The following CDH20 variants were observed in gnomAD, a reference collection of about 807,000 sequenced individuals.
The protein encoded by CDH20 is cadherin 20, also known as cadherin-20.
Under a neutral mutation model 74.2 loss-of-function variants are expected in CDH20, and 29 were observed. The ratio of observed to expected loss-of-function variants is 0.39; its 90% CI spans 0.29 to 0.53. The LOEUF is 0.53. CDH20 is among the 20% of genes least tolerant of loss of function. The pLI is 0.69. For synonymous variants in CDH20, 469 were observed against 405.4 expected (o/e 1.16, Z -1.88); for missense variants, 988 against 1,048.3 (o/e 0.94, Z 0.79).
At chr18:61,402,459 G>A (rs1912186371) in intron 1 of CDH20, among the ~76,000 whole-genome samples, 1 of 152,102 alleles carries the variant, frequency 6.6e-6, no homozygotes, top group East Asian at 1.9e-4. Context: ...AAATTGACTA[G>A]CAAAACTACT....
At chr18:61,388,949 A>C (rs1325351469) in intron 1 of CDH20, among the ~76,000 whole-genome samples, 1 of 152,188 alleles carries the variant, frequency 6.6e-6, no homozygotes. Context: ...GATTAAAATC[A>C]CATCAGGTAG....
chr18:61,555,748 C>T lies in CDH20; in HGVS notation c.*1053C>T. ...TGTACTGCATCTCAGTACCTTAGCACTTCTTTTAATAAAAGTTAAATAGAA... is the reference window on the plus strand; with the variant it reads ...TGTACTGCATCTCAGTACCTTAGCATTTCTTTTAATAAAAGTTAAATAGAA... On this transcript the variant is annotated 3_prime_UTR_variant, in exon 12 of 12. Transcript: ENST00000262717. 5.2e-6 allele frequency: 5 copies of T among 957,424 alleles called. No homozygotes were observed. The highest frequency in any genetic ancestry group is 6.2e-6 in the Non-Finnish European group (5 of 804,504). 59.3% of individuals were successfully genotyped at this position (957,424 alleles called of 1,614,324 possible). A position where few individuals can be genotyped will look rare whatever the true frequency, so the allele number is the denominator to read the frequency against.
At chr18:61,425,523 A>G (rs1272352753) in intron 1 of CDH20, among the ~76,000 whole-genome samples, 1 of 152,194 alleles carries the variant, frequency 6.6e-6, no homozygotes, top group African/African-American at 2.4e-5. Flanking sequence ...GTCCCAACTC[A>G]CTGCAGCATT....
In CDH20 at chr18:61,554,451, C is replaced by A. The variant is rs757927060; in HGVS notation, c.2162C>A (p.Thr721Asn). 6.2e-7 allele frequency: 1 copy of A among 1,613,358 alleles called. No homozygotes were observed. The change falls in exon 12 of 12, where the codon ACT becomes AAT. Residue 721 changes from threonine to asparagine, a missense_variant. Thr to Asn is a moderately conservative substitution (Grantham distance 65). Transcript: ENST00000262717. ...CCTCAGACGTGCGCAGTGAACAGCA[C>A]TGTCCACAGCTACGTGCTGGCCAAG... ...YVPQTCAVNS[T>N]VHSYVLAKLY... is the part of the protein sequence containing the mutation.
chr18:61,471,900 A>G (rs897901440), intron 1 of CDH20, among the ~76,000 whole-genome samples: 4 of 152,180 alleles, frequency 2.6e-5, no homozygotes, highest in Non-Finnish European at 5.9e-5. Context: ...TGAAAAAGAC[A>G]TGTGATTTGT....
At position 61,353,584 on chromosome 18, in the gene CDH20, A is replaced by G. The variant is rs74481452; in HGVS notation, c.-153+19757A>G. Among the ~76,000 whole-genome samples, 6,557 of 152,284 alleles carry G rather than the reference A, an allele frequency of 0.043. 461 individuals are homozygous for G. The highest frequency in any genetic ancestry group is 0.15 in the African/African-American group (6,170 of 41,530). On this transcript the variant is annotated intron_variant, in intron 1 of 11. Coordinates refer to ENST00000262717, the MANE Select transcript of CDH20 (RefSeq NM_031891.4). The surrounding 1 kb of genome is among the most constrained non-coding windows in gnomAD (Gnocchi z 4.6). ...CAGTGTGTATCACAGTGCTTTGCAC[A>G]TATTTTAGTGTTTGTTAAGATTTTG...
chr18:61,469,131 A>C (rs1480575603), intron 1 of CDH20, among the ~76,000 whole-genome samples: 1 of 152,228 alleles, frequency 6.6e-6, no homozygotes, highest in African/African-American at 2.4e-5. Flanking sequence ...AGCCAACTTC[A>C]GAATTCAATT....
At chr18:61,458,767 T>C (rs1346535028) in intron 1 of CDH20, among the ~76,000 whole-genome samples, 1 of 152,206 alleles carries the variant, frequency 6.6e-6, no homozygotes, top group Non-Finnish European at 1.5e-5. Context: ...AGCCCAGGAT[T>C]TGTGTTTGTT....
At chr18:61,491,158 T>C (rs1309164733) in intron 2 of CDH20, among the ~76,000 whole-genome samples, 1 of 152,176 alleles carries the variant, frequency 6.6e-6, no homozygotes, top group Non-Finnish European at 1.5e-5. Context: ...TACAGAGTTT[T>C]TTGCTTTGTG....
At chr18:61,420,001 C>A (rs1912822491) in intron 1 of CDH20, among the ~76,000 whole-genome samples, 1 of 151,964 alleles carries the variant, frequency 6.6e-6, no homozygotes, top group Non-Finnish European at 1.5e-5. Context: ...TTTTGTGAAG[C>A]ACAGACCCAA....
intron 1 of CDH20, among the ~76,000 whole-genome samples, chr18:61,364,178 C>G (rs571040054): frequency 6.6e-6 from 1 of 152,250 alleles, no homozygotes; most frequent in Admixed American, 6.5e-5. Context: ...TCTGTTCCCT[C>G]AAACCTCACA....
chr18:61,475,310 A>ACC (rs1431237365), intron 1 of CDH20, among the ~76,000 whole-genome samples: 2 of 152,184 alleles, frequency 1.3e-5, no homozygotes, highest in African/African-American at 4.8e-5. Flanking sequence ...AAGAAATCTT[A>ACC]CCCTGACTTC....
intron 6 of CDH20, 97 bp downstream of exon 6, chr18:61,507,657 A>G: frequency 2.6e-6 from 2 of 768,780 alleles, no homozygotes; most frequent in Non-Finnish European, 3.9e-6. Flanking sequence ...GCATTGCTTC[A>G]AATCATCTGA....
intron 2 of CDH20, among the ~76,000 whole-genome samples, chr18:61,493,247 T>A (rs1294824106): frequency 6.6e-6 from 1 of 152,054 alleles, no homozygotes; most frequent in Non-Finnish European, 1.5e-5. Context: ...CTCGGATGCA[T>A]CTCCTCCTCT....
Position 61,554,361 on chromosome 18 carries a change from C to A in CDH20, c.2072C>A (p.Ala691Glu). The change falls in exon 12 of 12, where the codon GCG (alanine) becomes GAG (glutamate). Residue 691 changes from alanine (A) to glutamate (E), a missense_variant. Physicochemically the swap from Ala to Glu is moderately radical, Grantham distance 107. Coordinates refer to ENST00000262717, the MANE Select transcript of CDH20 (RefSeq NM_031891.4). ...ATGTGGAACCCCCGGGAGGCGCAGG[C>A]GGGGGCCGCCCCCAAGACGCGGCAG... The part of the protein sequence containing the change: ...AAMWNPREAQ[A>E]GAAPKTRQDM... 6.2e-7 allele frequency: 1 copy of A among 1,613,012 alleles called. No homozygotes were observed. Among genetic ancestry groups the A allele is most frequent in the South Asian group, 1.1e-5 (1 of 91,040 alleles).
chr18:61,499,496 G>A lies in CDH20; in HGVS notation c.541+16G>A, dbSNP rs761030641. The stretch of plus-strand genomic sequence containing the variant: ...TCCCCTGTGGGTAAGGTGGTGACTC[G>A]CTGATTTTCACAAATAGCACCTCCT... On this transcript the variant is annotated intron_variant, in intron 3 of 11. Transcript: ENST00000262717. 3.9e-5 allele frequency: 61 copies of A among 1,576,806 alleles called. No homozygotes were observed. Among genetic ancestry groups the A allele is most frequent in the Admixed American group, 1.1e-4 (6 of 55,796 alleles).
At chr18:61,362,622 T>A (rs1165050921) in intron 1 of CDH20, among the ~76,000 whole-genome samples, 2 of 152,092 alleles carry the variant, frequency 1.3e-5, no homozygotes, top group Non-Finnish European at 2.9e-5. Context: ...AAGAGGAGCA[T>A]GAGAGCAAGA....
chr18:61,378,314 G>A (rs1354191013), intron 1 of CDH20, among the ~76,000 whole-genome samples: 1 of 152,190 alleles, frequency 6.6e-6, no homozygotes, highest in African/African-American at 2.4e-5. Flanking sequence ...AAGATCTGCA[G>A]GTAGCAAACT....
intron 1 of CDH20, among the ~76,000 whole-genome samples, chr18:61,340,726 A>G (rs1909920856): frequency 6.6e-6 from 1 of 152,158 alleles, no homozygotes; most frequent in Admixed American, 6.5e-5. Flanking sequence ...CCCCTCACCA[A>G]TCCTAATAAG....
Sources: allele counts gnomAD v4.1 joint callset (sites outside exome capture counted in the v4.1 genomes callset), GRCh38; gene constraint gnomAD v4.1.1; non-coding constraint Gnocchi (gnomAD v3.1); transcripts MANE v1.5; gene names NCBI Gene and HGNC (gene_info 2026-07-23, HGNC 2026-07-21).